Variants in INVS observed in about 807,000 individuals in gnomAD.
The protein encoded by INVS is inversin.
Under a neutral mutation model 108.8 loss-of-function variants are expected in INVS, and 86 were observed. The ratio of observed to expected loss-of-function variants is 0.79; its 90% CI spans 0.66 to 0.95. The LOEUF (loss-of-function observed/expected upper bound fraction) is 0.95, where lower values mean the gene tolerates loss of function less well. INVS is among the 40% of genes least tolerant of loss of function. INVS has a pLI of 0.00. For synonymous variants in INVS, 455 were observed against 473.5 expected, an observed-to-expected ratio of 0.96 and a Z score of 0.51; for missense variants, 1,169 against 1,297.4, an observed-to-expected ratio of 0.90 and a Z score of 1.52.
intron 1 of INVS, chr9:100,101,277 CTTA>C (rs1826981638): frequency 6.6e-6 from 1 of 151,184 alleles, no homozygotes; most frequent in African/African-American, 2.4e-5. Context: ...ATGGTCTAAC[CTTA>C]TTATTTTTTG....
chr9:100,156,257 C>CTTTT (rs931919205), intron 3 of INVS, among the ~76,000 whole-genome samples: 71 of 124,714 alleles, frequency 5.7e-4, no homozygotes, highest in East Asian at 2.0e-3. Flanking sequence ...GTTAGGAATA[C>CTTTT]TTTTTTTTTT....
intron 3 of INVS, among the ~76,000 whole-genome samples, chr9:100,183,899 C>A (rs1829975361): frequency 6.7e-6 from 1 of 148,266 alleles, no homozygotes; most frequent in South Asian, 2.1e-4. Flanking sequence ...CTATTTAAAG[C>A]AAAAATTATA....
intron 3 of INVS, among the ~76,000 whole-genome samples, chr9:100,179,102 A>C (rs1466183812): frequency 1.3e-5 from 2 of 152,226 alleles, no homozygotes; most frequent in African/African-American, 4.8e-5. Flanking sequence ...AGATTTTGTC[A>C]CCACCAGGCC....
intron 3 of INVS, among the ~76,000 whole-genome samples, chr9:100,191,467 A>G (rs1830218719): frequency 6.6e-6 from 1 of 152,188 alleles, no homozygotes; most frequent in African/African-American, 2.4e-5. Context: ...GTTCTAGTCT[A>G]TTGTTAAAAC....
intron 3 of INVS, among the ~76,000 whole-genome samples, chr9:100,157,169 G>GT (rs1252376143): frequency 6.7e-6 from 1 of 149,930 alleles, no homozygotes; most frequent in African/African-American, 2.5e-5. Flanking sequence ...GTAGAAACCT[G>GT]TTTTTATAAA....
Position 100,292,986 on chromosome 9 carries a change from A to G in INVS, c.2729A>G (p.Lys910Arg). 6.2e-7 allele frequency: 1 copy of G among 1,613,870 alleles called. No individual in the cohort carries two copies. The highest frequency in any genetic ancestry group is 1.1e-5 in the South Asian group (1 of 91,078). ...LQIIQRERRR[K>R]ELFRKKNKAA... Reference sequence around the variant, plus strand: ...ATAATTCAGAGAGAACGAAGGAGGAAGGAGCTGTTTCGCAAAAAGAACAAG... The same window carrying G: ...ATAATTCAGAGAGAACGAAGGAGGAGGGAGCTGTTTCGCAAAAAGAACAAG... Residue 910 changes from lysine (K) to arginine (R), a missense_variant, in exon 14 of 17, where the codon AAG becomes AGG. Around this residue, in one of 3 missense-constraint regions of INVS, gnomAD observed 533 missense variants for 536.0 expected, o/e 0.99. Coordinates refer to ENST00000262457, the MANE Select transcript of INVS (RefSeq NM_014425.5).
chr9:100,285,978 T>G (rs1008064627), intron 13 of INVS, among the ~76,000 whole-genome samples: 2 of 152,220 alleles, frequency 1.3e-5, no homozygotes, highest in Non-Finnish European at 2.9e-5. Flanking sequence ...GTCTTCGTAT[T>G]ATTATGAAAA....
At position 100,252,303 on chromosome 9, in the gene INVS, T is replaced by C. The variant is rs763013060; in HGVS notation, c.1099T>C (p.Ser367Pro). ...GGTALHAAAL[S>P]GHVSTVKLLL... ...TTTAGCTTTGCATGCTGCTGCTCTTTCTGGCCATGTCAGCACCGTGAAGTT... is the reference window on the plus strand; with the variant it reads ...TTTAGCTTTGCATGCTGCTGCTCTTCCTGGCCATGTCAGCACCGTGAAGTT... Residue 367 changes from serine to proline, a missense_variant, in exon 9 of 17, where the codon TCT (serine) becomes CCT (proline). By Grantham distance (74) the Ser-to-Pro change is moderately conservative. Transcript: ENST00000262457. 2.5e-6 allele frequency: 4 copies of C among 1,614,108 alleles called. No homozygotes were observed. The South Asian group carries it at 4.4e-5, about 18-fold the overall frequency.
At position 100,292,576 on chromosome 9, in the gene INVS, C is replaced by T. The variant is rs780011157; in HGVS notation, c.2319C>T (p.His773=). Reference sequence around the variant, plus strand: ...CAAGCCTTCCACCGCACGATAGCCACTGGAAGCCCAGCAGGCGGCATGACA... The same window carrying T: ...CAAGCCTTCCACCGCACGATAGCCATTGGAAGCCCAGCAGGCGGCATGACA... ...AAASLPPHDS[H]WKPSRRHDTE... Residue 773 remains histidine (H), a synonymous_variant, in exon 14 of 17, where the codon CAC becomes CAT. Transcript: ENST00000262457. 6.2e-7 allele frequency: 1 copy of T among 1,614,212 alleles called. No homozygotes were observed. Among genetic ancestry groups the T allele is most frequent in the Non-Finnish European group, 8.5e-7 (1 of 1,180,028 alleles).
chr9:100,152,214 T>G (rs10988983), intron 3 of INVS, among the ~76,000 whole-genome samples: 31,881 of 151,998 alleles, frequency 0.21, 5,674 homozygotes, highest in African/African-American at 0.49. Flanking sequence ...TATGTAAGAG[T>G]GTCTTAGTCA....
At chr9:100,222,104 G>A (rs1831170291) in intron 3 of INVS, among the ~76,000 whole-genome samples, 1 of 152,078 alleles carries the variant, frequency 6.6e-6, no homozygotes, top group African/African-American at 2.4e-5. Flanking sequence ...TAGCTGAACT[G>A]TGTATATTAC....
chr9:100,179,106 C>T (rs1368027976), intron 3 of INVS, among the ~76,000 whole-genome samples: 3 of 152,250 alleles, frequency 2.0e-5, no homozygotes, highest in South Asian at 2.1e-4. Flanking sequence ...TTTGTCACCA[C>T]CAGGCCTGGC....
chr9:100,131,985 A>G lies in INVS; in HGVS notation c.273+5436A>G, dbSNP rs542686517. On this transcript the variant is annotated intron_variant, in intron 3 of 16. Coordinates refer to ENST00000262457, the MANE Select transcript of INVS (RefSeq NM_014425.5). ...ACTATTAGGTTTTCTTATTTTGCAG[A>G]TGCACACACAAACACAACAAACAAT... 7 of 689,148 alleles carry G rather than the reference A, an allele frequency of 1.0e-5. No individual in the cohort carries two copies. In the Admixed American group the frequency reaches 4.4e-4, roughly 43 times the overall value. The allele number at this position is 689,148 out of a possible 1,614,324, so 42.7% of individuals were successfully genotyped here.
chr9:100,284,046 C>T (rs1206975202), intron 12 of INVS, among the ~76,000 whole-genome samples: 1 of 152,156 alleles, frequency 6.6e-6, no homozygotes, highest in Admixed American at 6.5e-5. Flanking sequence ...TGTTATGTTT[C>T]ACACAGAAAA....
At chr9:100,296,678 C>A (rs760740324) in intron 14 of INVS, among the ~76,000 whole-genome samples, 8 of 152,208 alleles carry the variant, frequency 5.3e-5, no homozygotes, top group African/African-American at 1.9e-4. Flanking sequence ...GCCTGTTCCA[C>A]TAGTCTGTGA....
intron 3 of INVS, among the ~76,000 whole-genome samples, chr9:100,128,729 G>T (rs118056577): frequency 1.8e-3 from 275 of 152,194 alleles, no homozygotes; most frequent in Middle Eastern, 6.8e-3. Flanking sequence ...TAAACCAAAC[G>T]TGAACTGACA....
rs2065997 is a variant in INVS at position 100,284,889 on chromosome 9, T to C, written c.2068+286T>C. Among the ~76,000 whole-genome samples the C allele has an allele frequency of 0.53, 80,355 of 151,982 alleles. 22,205 individuals carry two copies. The highest frequency in any genetic ancestry group is 0.59 in the African/African-American group (24,535 of 41,442). ...GTGTGAAAACCTCACTTCCATTCACTTTGTCCACTTTTACGTTTCATTGCT... is the reference window on the plus strand; with the variant it reads ...GTGTGAAAACCTCACTTCCATTCACCTTGTCCACTTTTACGTTTCATTGCT... On this transcript the variant is annotated intron_variant, in intron 13 of 16. Coordinates refer to ENST00000262457, the MANE Select transcript of INVS (RefSeq NM_014425.5).
chr9:100,257,384 A>G (rs533072318), intron 10 of INVS, among the ~76,000 whole-genome samples: 1 of 152,314 alleles, frequency 6.6e-6, no homozygotes, highest in Admixed American at 6.5e-5. Context: ...GTGTCTTTTA[A>G]TTGGAGCATT....
chr9:100,242,793 AC>A, intron 7 of INVS, 114 bp downstream of exon 7: 1 of 688,814 alleles, frequency 1.5e-6, no homozygotes, highest in South Asian at 1.6e-5. Context: ...TGTACCCTTC[AC>A]CTAGTTCACT....
Sources: allele counts gnomAD v4.1 joint callset (sites outside exome capture counted in the v4.1 genomes callset), GRCh38; gene constraint gnomAD v4.1.1; regional missense constraint gnomAD v4.1.1; transcripts MANE v1.5; gene names NCBI Gene and HGNC (gene_info 2026-07-23, HGNC 2026-07-21).